SLC48A1: variants seen among roughly 807,000 people sequenced by gnomAD.
The protein encoded by SLC48A1 is solute carrier family 48 member 1.
SLC48A1 carries 6 observed loss-of-function variants against 14.8 expected under a neutral mutation model. The ratio of observed to expected loss-of-function variants is 0.41; its 90% CI spans 0.22 to 0.80. SLC48A1 has a LOEUF of 0.80. Among genes scored for constraint, SLC48A1 ranks in the 30% least tolerant of loss-of-function variants. The probability of loss-of-function intolerance (pLI) is 0.34; values close to 1 mark genes in which losing one functional copy is unlikely to be tolerated. For missense variants in SLC48A1, 165 were observed against 204.8 expected (o/e 0.81, Z 1.19); for synonymous variants, 89 against 90.0 (o/e 0.99, Z 0.06).
At chr12:47,762,443 T>C (rs1450393022) in intron 2 of SLC48A1, among the ~76,000 whole-genome samples, 1 of 152,166 alleles carries the variant, frequency 6.6e-6, no homozygotes, top group Non-Finnish European at 1.5e-5. Flanking sequence ...AGGAGCCTGA[T>C]ACCCTACATT....
At chr12:47,755,305 T>C (rs1941989046), upstream of SLC48A1, among the ~76,000 whole-genome samples, 1 of 152,218 alleles carries the variant, frequency 6.6e-6, no homozygotes, top group Admixed American at 6.5e-5. Flanking sequence ...CACAGGGCTG[T>C]TGTGAGAATT....
chr12:47,761,327 C>T lies in SLC48A1; in HGVS notation c.-187+926C>T, dbSNP rs1942376223. Among the ~76,000 whole-genome samples, 3 of 152,158 alleles carry T rather than the reference C, an allele frequency of 2.0e-5. No homozygotes were observed. In the South Asian group the frequency reaches 6.2e-4, roughly 31 times the overall value. On this transcript the variant is annotated intron_variant, in intron 2 of 4. Transcript: ENST00000547002. ...CCCAACCCACTCCCCCACCTATGTT[C>T]CCCTTCAACACTACTCTTGCCTTTC... is the stretch of plus-strand genomic sequence containing the variant.
chr12:47,771,803 G>A (rs1424397176), upstream of SLC48A1, among the ~76,000 whole-genome samples: 1 of 152,020 alleles, frequency 6.6e-6, no homozygotes, highest in Non-Finnish European at 1.5e-5. Flanking sequence ...TGTGGTGGTG[G>A]AAGCGTGTAA....
At chr12:47,761,264 G>A (rs555302689) in intron 2 of SLC48A1, among the ~76,000 whole-genome samples, 3 of 151,630 alleles carry the variant, frequency 2.0e-5, no homozygotes, top group African/African-American at 7.3e-5. Context: ...GAGCCTCAGG[G>A]AGCCAAGGAT....
upstream of SLC48A1, chr12:47,758,004 C>A (rs768432900): frequency 4.0e-5 from 63 of 1,574,050 alleles, no homozygotes; most frequent in Non-Finnish European, 4.9e-5. Flanking sequence ...GGGCTCCCAC[C>A]CGCGGTGCTC....
In SLC48A1 at chr12:47,780,438, C is replaced by A; in HGVS notation, c.*157C>A. ...GTGGTCTCCCAGGAAGCTGTCCTGC[C>A]CGTCCCCTTTCGAGGAAACCTGAGT... On this transcript the variant is annotated 3_prime_UTR_variant, in exon 3 of 3. Coordinates refer to ENST00000442218, the MANE Select transcript of SLC48A1 (RefSeq NM_017842.3). 1 of 1,190,240 alleles carries A rather than the reference C, an allele frequency of 8.4e-7. No homozygotes were observed. Among genetic ancestry groups the A allele is most frequent in the Non-Finnish European group, 1.3e-6 (1 of 793,750 alleles). The allele number at this position is 1,190,240 out of a possible 1,614,324, so 73.7% of individuals were successfully genotyped here.
At chr12:47,769,649 GCAGCA>G (rs1359665699), upstream of SLC48A1, 19 of 152,300 alleles carry the variant, frequency 1.2e-4, no homozygotes, top group East Asian at 3.1e-3. Context: ...TTCAACAGCA[GCAGCA>G]ATAATTTGTT....
At chr12:47,758,013 TC>T, upstream of SLC48A1, 1 of 1,575,518 alleles carries the variant, frequency 6.3e-7, no homozygotes, top group Non-Finnish European at 8.6e-7. Context: ...CCCGCGGTGC[TC>T]CCAGAGCTGG....
intron 1 of SLC48A1, 136 bp downstream of exon 1, chr12:47,773,576 C>G: frequency 8.3e-7 from 1 of 1,205,484 alleles, no homozygotes; most frequent in East Asian, 3.5e-5. Context: ...CAGCGGTTGG[C>G]GGCGGCAGGC....
At chr12:47,774,705 C>T (rs1357794986) in intron 1 of SLC48A1, among the ~76,000 whole-genome samples, 2 of 152,118 alleles carry the variant, frequency 1.3e-5, no homozygotes, top group Admixed American at 6.5e-5. Context: ...CTACACAATG[C>T]CAACAAAGCA....
chr12:47,766,857 G>C (rs58227785), upstream of SLC48A1, among the ~76,000 whole-genome samples: 414 of 152,318 alleles, frequency 2.7e-3, 2 homozygotes, highest in African/African-American at 9.6e-3. Flanking sequence ...GAGAATTGAG[G>C]TGAACCCCTT....
In SLC48A1 at chr12:47,779,187, G is replaced by A. The variant is rs772579767; in HGVS notation, c.296G>A (p.Arg99Gln). 2.8e-5 allele frequency: 43 copies of A among 1,551,308 alleles called. No homozygotes were observed. The African/African-American group carries it at 3.6e-4, about 13-fold the overall frequency. Reference sequence around the variant, plus strand: ...ACCTTCCTCGTGCTGGCCATCACCCGGCATCAGAGTGAGGGCGGGTCCCAG... The same window carrying A: ...ACCTTCCTCGTGCTGGCCATCACCCAGCATCAGAGTGAGGGCGGGTCCCAG... Reference protein sequence around the residue: ...FCTFLVLAITRHQSLTDPTSY... With the variant: ...FCTFLVLAITQHQSLTDPTSY... The change falls in exon 2 of 3, where the codon CGG (arginine) becomes CAG (glutamine). Residue 99 changes from arginine (R) to glutamine (Q), a missense_variant. By Grantham distance (43) the Arg-to-Gln change is conservative. Coordinates refer to ENST00000442218, the MANE Select transcript of SLC48A1 (RefSeq NM_017842.3).
chr12:47,756,232 G>T (rs954117380), upstream of SLC48A1: 1 of 152,184 alleles, frequency 6.6e-6, no homozygotes, highest in African/African-American at 2.4e-5. Context: ...CTCCCTCCCA[G>T]ACTTCAGGTC....
chr12:47,765,921 C>T (rs1013819123), intron 2 of SLC48A1, among the ~76,000 whole-genome samples: 8 of 152,042 alleles, frequency 5.3e-5, no homozygotes, highest in African/African-American at 1.4e-4. Context: ...TCACCTCCCT[C>T]TTAGCTTCCC....
upstream of SLC48A1, among the ~76,000 whole-genome samples, chr12:47,755,268 T>C (rs1371206229): frequency 6.6e-6 from 1 of 152,200 alleles, no homozygotes; most frequent in African/African-American, 2.4e-5. Flanking sequence ...ATCTATAAAA[T>C]GGAGATGATG....
intron 1 of SLC48A1, among the ~76,000 whole-genome samples, chr12:47,776,836 T>A (rs988070498): frequency 6.6e-6 from 1 of 152,204 alleles, no homozygotes; most frequent in African/African-American, 2.4e-5. Context: ...CACAGGCCCC[T>A]ATTTCAGCAT....
At chr12:47,773,067 C>A, upstream of SLC48A1, 1 of 479,304 alleles carries the variant, frequency 2.1e-6, no homozygotes, top group Non-Finnish European at 2.7e-6. Context: ...GCCTTTTTAG[C>A]AGCATTCCCC....
upstream of SLC48A1, among the ~76,000 whole-genome samples, chr12:47,770,414 C>G (rs545650856): frequency 1.3e-5 from 2 of 152,376 alleles, no homozygotes; most frequent in Non-Finnish European, 2.9e-5. Flanking sequence ...CTCTTCCATT[C>G]TCTCTGCTTC....
chr12:47,762,994 C>T (rs1202182118), intron 2 of SLC48A1, among the ~76,000 whole-genome samples: 1 of 152,200 alleles, frequency 6.6e-6, no homozygotes, highest in Non-Finnish European at 1.5e-5. Context: ...TTTTATCTCC[C>T]TAATACAATA....
Sources: gnomAD v4.1 joint callset for allele counts (sites outside exome capture counted in the v4.1 genomes callset) on GRCh38, gnomAD v4.1.1 for gene constraint, MANE v1.5 for transcripts, NCBI Gene and HGNC (gene_info 2026-07-23, HGNC 2026-07-21) for gene names.